Variants in DCTN1 observed in about 807,000 individuals in gnomAD.
The protein encoded by DCTN1 is 150 kDa dynein-associated polypeptide.
A neutral mutation model predicts 161.2 loss-of-function variants in DCTN1; 61 were observed. That is an observed-to-expected ratio of 0.38 (90% confidence interval 0.31 to 0.47). The LOEUF (loss-of-function observed/expected upper bound fraction) is 0.47, where lower values mean the gene tolerates loss of function less well. Among genes scored for constraint, DCTN1 ranks in the 20% least tolerant of loss-of-function variants. The pLI, the probability that DCTN1 is intolerant of heterozygous loss-of-function variation, is 0.99. For missense variants in DCTN1, 1,404 were observed against 1,623.7 expected (o/e 0.86, Z 2.33); for synonymous variants, 653 against 632.4 (o/e 1.03, Z -0.49).
rs745321425 is a variant in DCTN1 at position 74,366,015 on chromosome 2, G to A, written c.2764C>T (p.Pro922Ser). 1.9e-6 allele frequency: 3 copies of A among 1,614,122 alleles called. No individual in the cohort carries two copies. The highest frequency in any genetic ancestry group is 2.2e-5 in the South Asian group (2 of 91,092). The change falls in exon 24 of 32, where the codon CCA becomes TCA. Residue 922 changes from proline to serine, a missense_variant. Around this residue, in one of 9 missense-constraint regions of DCTN1, gnomAD observed 475 missense variants for 489.8 expected, o/e 0.97. Coordinates refer to ENST00000628224, the MANE Select transcript of DCTN1 (RefSeq NM_004082.5). Reference sequence around the variant, plus strand: ...GCAGCAGCCCGCAGTTCAACCGGTGGAGGCTAAGGAATGGTCGGTAGGGGG... The same window carrying A: ...GCAGCAGCCCGCAGTTCAACCGGTGAAGGCTAAGGAATGGTCGGTAGGGGG... Reference protein sequence around the residue: ...YDAERPPSKPPPVELRAAALR... With the variant: ...YDAERPPSKPSPVELRAAALR...
At position 74,374,671 on chromosome 2, in the gene DCTN1, C is replaced by T. The variant is rs1350368194; in HGVS notation, c.415-331G>A. ...TTAGGCTGATGGCAGCCTCAGTGGC[C>T]GCAGCACCAGCTCCACCTGACGTCA... On this transcript the variant is annotated intron_variant, in intron 5 of 31. Transcript: ENST00000628224. The T allele has an allele frequency of 1.7e-5, 21 of 1,205,126 alleles. No individual in the cohort carries two copies. In the Middle Eastern group the frequency reaches 1.8e-3, roughly 105 times the overall value. 74.7% of individuals were successfully genotyped at this position (1,205,126 alleles called of 1,614,324 possible). A position where few individuals can be genotyped will look rare whatever the true frequency, so the allele number is the denominator to read the frequency against.
chr2:74,369,585 AG>A lies in DCTN1; in HGVS notation c.1393-95del. 5 of 1,267,492 alleles carry A rather than the reference AG, an allele frequency of 3.9e-6. No homozygotes were observed. The highest frequency in any genetic ancestry group is 5.7e-6 in the Non-Finnish European group (5 of 876,804). 78.5% of individuals were successfully genotyped at this position (1,267,492 alleles called of 1,614,324 possible). A position where few individuals can be genotyped will look rare whatever the true frequency, so the allele number is the denominator to read the frequency against. On this transcript the variant is annotated intron_variant, in intron 13 of 31. Coordinates refer to ENST00000628224, the MANE Select transcript of DCTN1 (RefSeq NM_004082.5). The surrounding 1 kb of genome is among the most constrained non-coding windows in gnomAD (Gnocchi z 4.9). ...TAATCCCAGCACTTTGGGAGGTCAA[AG>A]CAGGCGGATCATGAGGTCGAGATCG...
chr2:74,375,932 A>C (rs1243264916), intron 5 of DCTN1, among the ~76,000 whole-genome samples: 1 of 152,226 alleles, frequency 6.6e-6, no homozygotes, highest in Non-Finnish European at 1.5e-5. Context: ...TAGGCTGACG[A>C]CAAGGAAATC....
chr2:74,389,489 A>G (rs10469967), intron 1 of DCTN1, among the ~76,000 whole-genome samples: 2 of 152,166 alleles, frequency 1.3e-5, no homozygotes, highest in African/African-American at 4.8e-5. Context: ...TAGAGCTGGC[A>G]GAGTAAAACC....
chr2:74,371,912 CAG>C (rs1674889829), intron 7 of DCTN1, 184 bp from the exon 8 acceptor site: 7 of 600,656 alleles, frequency 1.2e-5, no homozygotes, highest in Admixed American at 2.7e-5. Flanking sequence ...TACAGAGAGG[CAG>C]AGAGAGATAG....
At position 74,362,677 on chromosome 2, in the gene DCTN1, G is replaced by A. The variant is rs1416743758; in HGVS notation, c.3582C>T (p.Ser1194=). 6.2e-7 allele frequency: 1 copy of A among 1,613,986 alleles called. No homozygotes were observed. Among genetic ancestry groups the A allele is most frequent in the Admixed American group, 1.7e-5 (1 of 60,010 alleles). ...QLMEQVAQLK[S]LSDTVEKLKD... ...TGAGCTTCTCGACGGTGTCACTCAGGGACTTAAGCTGAGCCACTTGCTCCA... is the reference window on the plus strand; with the variant it reads ...TGAGCTTCTCGACGGTGTCACTCAGAGACTTAAGCTGAGCCACTTGCTCCA... The change falls in exon 30 of 32, where the codon TCC becomes TCT. Residue 1194 remains serine (S), a synonymous_variant. Transcript: ENST00000628224.
chr2:74,377,974 C>T (rs753786092), intron 2 of DCTN1, 26 bp downstream of exon 2: 1 of 1,613,494 alleles, frequency 6.2e-7, no homozygotes, highest in Non-Finnish European at 8.5e-7. Context: ...CACACATGCA[C>T]AGACACAAAA....
At position 74,365,063 on chromosome 2, in the gene DCTN1, C is replaced by T; in HGVS notation, c.3196+12G>A. 1 of 1,613,972 alleles carries T rather than the reference C, an allele frequency of 6.2e-7. No individual in the cohort carries two copies. Among genetic ancestry groups the T allele is most frequent in the Non-Finnish European group, 8.5e-7 (1 of 1,179,956 alleles). ...TCCTCTGTGCTAGTGCTGCCTATTC[C>T]ACAGTACTCACCACCAGCAATGCCA... On this transcript the variant is annotated intron_variant, in intron 26 of 31. Coordinates refer to ENST00000628224, the MANE Select transcript of DCTN1 (RefSeq NM_004082.5).
At position 74,368,825 on chromosome 2, in the gene DCTN1, G is replaced by C; in HGVS notation, c.1757C>G (p.Ser586Cys). The C allele has an allele frequency of 6.2e-7, 1 of 1,614,284 alleles. No homozygotes were observed. The highest frequency in any genetic ancestry group is 1.7e-5 in the Admixed American group (1 of 60,038). The change falls in exon 16 of 32, where the codon TCC (serine) becomes TGC (cysteine). Residue 586 changes from serine (S) to cysteine (C), a missense_variant. Ser to Cys is a moderately radical substitution (Grantham distance 112). This residue lies in a region of DCTN1 where 278 missense variants were observed against 363.8 expected (regional missense o/e 0.76). Transcript: ENST00000628224. Reference sequence around the variant, plus strand: ...GTCAGGCATGAAGGCTGTCAGCAGGGACATGTGTCGATTGGCCTGGGCCAC... The same window carrying C: ...GTCAGGCATGAAGGCTGTCAGCAGGCACATGTGTCGATTGGCCTGGGCCAC... ...MEVAQANRHM[S>C]LLTAFMPDSF...
At chr2:74,364,001 G>C (rs1349011644) in intron 26 of DCTN1, 1 of 324,526 alleles carries the variant, frequency 3.1e-6, no homozygotes, top group Non-Finnish European at 5.9e-6. Context: ...TGCACCCTTA[G>C]TGCTCACCAG....
chr2:74,372,870 A>G (rs769045750), intron 7 of DCTN1, 58 bp downstream of exon 7: 16 of 1,568,120 alleles, frequency 1.0e-5, no homozygotes, highest in Non-Finnish European at 1.4e-5. Flanking sequence ...ATACATCCAC[A>G]TGCCTGAAAC....
chr2:74,373,946 T>G (rs1675055178), intron 6 of DCTN1, among the ~76,000 whole-genome samples: 1 of 152,222 alleles, frequency 6.6e-6, no homozygotes, highest in Admixed American at 6.5e-5. Context: ...CCAAGAGGTA[T>G]TCTAGCAAAG....
At chr2:74,384,308 C>T (rs141667840), upstream of DCTN1, among the ~76,000 whole-genome samples, 235 of 152,290 alleles carry the variant, frequency 1.5e-3, 1 homozygote, top group African/African-American at 5.4e-3. Flanking sequence ...AGTCTCATAG[C>T]CAAAAAATGG....
chr2:74,374,590 G>A, intron 5 of DCTN1: 2 of 1,290,146 alleles, frequency 1.6e-6, no homozygotes, highest in Non-Finnish European at 2.0e-6. Context: ...CAGACGTGCA[G>A]CTGGATCGCC....
intron 26 of DCTN1, chr2:74,364,556 C>T: frequency 4.4e-6 from 1 of 228,472 alleles, no homozygotes; most frequent in South Asian, 6.8e-5. Context: ...CCTGACTATA[C>T]TGAGTGACTA....
At chr2:74,367,938 C>G (rs1470100071) in intron 17 of DCTN1, 33 bp downstream of exon 17, 18 of 1,614,240 alleles carry the variant, frequency 1.1e-5, no homozygotes, top group Non-Finnish European at 1.4e-5. Flanking sequence ...CCTGGACCCC[C>G]ACCCTGGGGT....
At chr2:74,365,053 C>T (rs749362691) in intron 26 of DCTN1, 22 bp downstream of exon 26, 1 of 1,613,902 alleles carries the variant, frequency 6.2e-7, no homozygotes, top group South Asian at 1.1e-5. Flanking sequence ...TGTGCTAGTG[C>T]TGCCTATTCC....
At chr2:74,380,745 G>T (rs551776602), upstream of DCTN1, among the ~76,000 whole-genome samples, 26 of 152,346 alleles carry the variant, frequency 1.7e-4, no homozygotes, top group African/African-American at 6.3e-4. Flanking sequence ...TGCCCAGGAG[G>T]CAGCAAGAGA....
Position 74,371,719 on chromosome 2 carries a change from G to A in DCTN1, c.463C>T (p.Pro155Ser). ...GCCCCAGCCACCCCAGTACTGGCTGGGCGCGTGGGCTATTCAGAAAGGGTA... is the reference window on the plus strand; with the variant it reads ...GCCCCAGCCACCCCAGTACTGGCTGAGCGCGTGGGCTATTCAGAAAGGGTA... ...TTTRRPKPTRPASTGVAGASS... is the reference protein window; with the variant it reads ...TTTRRPKPTRSASTGVAGASS... The change falls in exon 8 of 32, where the codon CCA becomes TCA. Residue 155 changes from proline (P) to serine (S), a missense_variant. Pro to Ser is a moderately conservative substitution (Grantham distance 74, BLOSUM62 -1). This residue lies in a region of DCTN1 where 174 missense variants were observed against 175.6 expected (regional missense o/e 0.99). Coordinates refer to ENST00000628224, the MANE Select transcript of DCTN1 (RefSeq NM_004082.5). 2 of 1,608,246 alleles carry A rather than the reference G, an allele frequency of 1.2e-6. No individual in the cohort carries two copies. The highest frequency in any genetic ancestry group is 2.2e-5 in the South Asian group (2 of 89,630).
Sources: gnomAD v4.1 joint callset for allele counts (sites outside exome capture counted in the v4.1 genomes callset) on GRCh38, gnomAD v4.1.1 for gene constraint, gnomAD v4.1.1 regional missense constraint, Gnocchi (gnomAD v3.1) non-coding constraint, MANE v1.5 for transcripts, NCBI Gene and HGNC (gene_info 2026-07-23, HGNC 2026-07-21) for gene names.